Variants in NKIRAS1 observed in about 807,000 individuals in gnomAD.
NKIRAS1 encodes the protein NF-kappa-B inhibitor-interacting Ras-like protein 1.
NKIRAS1 carries 16 observed loss-of-function variants against 19.8 expected under a neutral mutation model. The ratio of observed to expected loss-of-function variants is 0.81; its 90% CI spans 0.55 to 1.23. The LOEUF (loss-of-function observed/expected upper bound fraction) is 1.23, where lower values mean the gene tolerates loss of function less well. NKIRAS1 is among the 50% of genes most tolerant of loss of function. The probability of loss-of-function intolerance (pLI) is 0.00; values close to 1 mark genes in which losing one functional copy is unlikely to be tolerated. For missense variants in NKIRAS1, 184 were observed against 220.0 expected (o/e 0.84, Z 1.04); for synonymous variants, 88 against 79.0 (o/e 1.11, Z -0.61).
At chr3:23,924,323 T>TC (rs1181512557) in intron 1 of NKIRAS1, 1 of 152,182 alleles carries the variant, frequency 6.6e-6, no homozygotes, top group African/African-American at 2.4e-5. Context: ...TATCAGAGAA[T>TC]CCCCCCTCCC....
intron 4 of NKIRAS1, 81 bp from the exon 5 acceptor site, chr3:23,893,418 T>C (rs749870638): frequency 2.0e-4 from 259 of 1,280,910 alleles, no homozygotes; most frequent in Non-Finnish European, 2.6e-4. Context: ...ATAAGGAAAA[T>C]TGTTCCACTT....
chr3:23,928,730 A>T (rs958365558), intron 1 of NKIRAS1, among the ~76,000 whole-genome samples: 1 of 149,570 alleles, frequency 6.7e-6, no homozygotes, highest in Non-Finnish European at 1.5e-5. Context: ...TGTGACTCAC[A>T]CCTGTAATCC....
At chr3:23,917,979 C>T (rs751502211), upstream of NKIRAS1, 10 of 1,612,892 alleles carry the variant, frequency 6.2e-6, no homozygotes, top group Non-Finnish European at 8.5e-6. Flanking sequence ...ACAGGGCTCC[C>T]CGCCCCACCC....
At chr3:23,901,179 CTTT>C (rs369838815) in intron 3 of NKIRAS1, 130 bp from the exon 4 acceptor site, 3,522 of 719,560 alleles carry the variant, frequency 4.9e-3, no homozygotes, top group South Asian at 5.9e-3. Flanking sequence ...TTCTATTTTA[CTTT>C]TTTTTTTTTT....
At chr3:23,942,196 C>A (rs1705512740) in intron 1 of NKIRAS1, among the ~76,000 whole-genome samples, 2 of 151,924 alleles carry the variant, frequency 1.3e-5, no homozygotes, top group Admixed American at 1.3e-4. Context: ...CCAGGCTGGT[C>A]TTGAACTCCT....
chr3:23,903,332 C>G (rs1702703559), intron 3 of NKIRAS1, among the ~76,000 whole-genome samples: 1 of 152,134 alleles, frequency 6.6e-6, no homozygotes, highest in Non-Finnish European at 1.5e-5. Context: ...CCAGGCTGGT[C>G]TTGAACTCCT....
Position 23,891,980 on chromosome 3 carries a change from T to A in NKIRAS1, c.*1115A>T, listed in dbSNP as rs981561697. ...GATGAGAAATTTTGAAGAATTATAC[T>A]GTAGCAGCAATAGCTGATTTGTAAG... On this transcript the variant is annotated 3_prime_UTR_variant, in exon 5 of 5. Transcript: ENST00000425478. 2.0e-5 allele frequency: 3 copies of A among 152,226 alleles called. No individual in the cohort carries two copies. The highest frequency in any genetic ancestry group is 7.2e-5 in the African/African-American group (3 of 41,466). 9.4% of individuals were successfully genotyped at this position (152,226 alleles called of 1,614,324 possible). A position where few individuals can be genotyped will look rare whatever the true frequency, so the allele number is the denominator to read the frequency against.
chr3:23,918,042 G>C, upstream of NKIRAS1: 1 of 1,602,740 alleles, frequency 6.2e-7, no homozygotes, highest in Non-Finnish European at 8.5e-7. Context: ...GTACGTGATC[G>C]ACTGCGTGGA....
chr3:23,919,173 T>A, upstream of NKIRAS1: 1 of 1,558,680 alleles, frequency 6.4e-7, no homozygotes. Context: ...GAGATTGACC[T>A]TGGGCCTTTT....
intron 1 of NKIRAS1, among the ~76,000 whole-genome samples, chr3:23,925,641 T>TAA (rs947977275): frequency 6.6e-6 from 1 of 151,824 alleles, no homozygotes; most frequent in Admixed American, 6.6e-5. Flanking sequence ...CTCAAAAAAA[T>TAA]AAATAAATAA....
At chr3:23,900,291 A>T (rs1337154454) in intron 4 of NKIRAS1, among the ~76,000 whole-genome samples, 1 of 152,192 alleles carries the variant, frequency 6.6e-6, no homozygotes, top group Non-Finnish European at 1.5e-5. Context: ...GCAGAAAGTC[A>T]AATTCTGGTC....
At position 23,892,551 on chromosome 3, in the gene NKIRAS1, A is replaced by G. The variant is rs1323813834; in HGVS notation, c.*544T>C. 1 of 152,230 alleles carries G rather than the reference A, an allele frequency of 6.6e-6. No individual in the cohort carries two copies. The highest frequency in any genetic ancestry group is 1.5e-5 in the Non-Finnish European group (1 of 68,054). The allele number at this position is 152,230 out of a possible 1,614,324, so 9.4% of individuals were successfully genotyped here. A position where few individuals can be genotyped will look rare whatever the true frequency, so the allele number is the denominator to read the frequency against. ...ATTCTAATTTGAGCAAAGCTAAATCATGGGTCTTAGTCTGTTTAGCAAAAT... is the reference window on the plus strand; with the variant it reads ...ATTCTAATTTGAGCAAAGCTAAATCGTGGGTCTTAGTCTGTTTAGCAAAAT... On this transcript the variant is annotated 3_prime_UTR_variant, in exon 5 of 5. Coordinates refer to ENST00000425478, the MANE Select transcript of NKIRAS1 (RefSeq NM_020345.4).
At chr3:23,909,421 G>A (rs528331648) in intron 3 of NKIRAS1, among the ~76,000 whole-genome samples, 141 of 152,318 alleles carry the variant, frequency 9.3e-4, no homozygotes, top group African/African-American at 3.2e-3. Context: ...CAGTTACTCA[G>A]GAGGCTGAGA....
chr3:23,946,267 G>T (rs921252026), intron 1 of NKIRAS1: 3 of 985,478 alleles, frequency 3.0e-6, no homozygotes, highest in Non-Finnish European at 2.4e-6. Context: ...ACCCCAAGGC[G>T]CGGACCCCGC....
intron 1 of NKIRAS1, chr3:23,946,127 T>TC: frequency 1.0e-6 from 1 of 983,650 alleles, no homozygotes; most frequent in Non-Finnish European, 1.2e-6. Flanking sequence ...GATTCCCTCC[T>TC]CCCCCGCGGG....
intron 3 of NKIRAS1, among the ~76,000 whole-genome samples, chr3:23,904,641 G>A (rs1294317651): frequency 6.9e-6 from 1 of 144,612 alleles, no homozygotes; most frequent in Non-Finnish European, 1.5e-5. Flanking sequence ...CAGCAACTAA[G>A]AACAAAGAAG....
At chr3:23,900,641 C>CT (rs567411438) in intron 4 of NKIRAS1, among the ~76,000 whole-genome samples, 167 bp downstream of exon 4, 1 of 114,170 alleles carries the variant, frequency 8.8e-6, no homozygotes, top group Non-Finnish European at 1.8e-5. Context: ...GACTCCGTCT[C>CT]AAAAAAAAAA....
At chr3:23,942,860 G>C (rs987351013) in intron 1 of NKIRAS1, among the ~76,000 whole-genome samples, 1 of 152,108 alleles carries the variant, frequency 6.6e-6, no homozygotes, top group African/African-American at 2.4e-5. Context: ...AGATGCTCCT[G>C]CATCAGCCTC....
At chr3:23,920,708 A>C (rs1705030853), upstream of NKIRAS1, 2 of 984,804 alleles carry the variant, frequency 2.0e-6, no homozygotes, top group Non-Finnish European at 2.4e-6. Context: ...ATTGATTTCC[A>C]GGAAGTACTC....
Sources: gnomAD v4.1 joint callset for allele counts (sites outside exome capture counted in the v4.1 genomes callset) on GRCh38, gnomAD v4.1.1 for gene constraint, MANE v1.5 for transcripts, NCBI Gene and HGNC (gene_info 2026-07-23, HGNC 2026-07-21) for gene names.